PARD3: variants seen among roughly 807,000 people sequenced by gnomAD.
The protein encoded by PARD3 is par-3 family cell polarity regulator.
A neutral mutation model predicts 155.4 loss-of-function variants in PARD3; 75 were observed. The observed-to-expected ratio is 0.48, with a 90% CI of 0.40 to 0.58. The LOEUF is 0.58. Ranked by LOEUF, PARD3 falls within the 20% of genes least tolerant of loss-of-function variation. The pLI, the probability that PARD3 is intolerant of heterozygous loss-of-function variation, is 0.00. For missense variants in PARD3, 1,642 were observed against 1,721.7 expected, an observed-to-expected ratio of 0.95 and a Z score of 0.82; for synonymous variants, 576 against 610.5, an observed-to-expected ratio of 0.94 and a Z score of 0.83.
At chr10:34,131,839 A>G (rs1947632609) in intron 22 of PARD3, among the ~76,000 whole-genome samples, 1 of 152,094 alleles carries the variant, frequency 6.6e-6, no homozygotes. Flanking sequence ...CTGTTCTTTA[A>G]AAGTTTCATT....
In PARD3 at chr10:34,548,703, T is replaced by A. The variant is rs1224395517; in HGVS notation, c.223-31544A>T. On this transcript the variant is annotated intron_variant, in intron 2 of 24. Transcript: ENST00000374788. The stretch of plus-strand genomic sequence containing the variant: ...TCTTCTGTGGGGAAACTTGCCATAC[T>A]TTTCTCTGATTCCAAGGAAAAAGCC... 5.3e-5 allele frequency among the ~76,000 whole-genome samples: 8 copies of A among 151,922 alleles called. No individual in the cohort carries two copies. In the East Asian group the frequency reaches 1.5e-3, roughly 29 times the overall value.
At chr10:34,686,167 T>C (rs925107674) in intron 2 of PARD3, among the ~76,000 whole-genome samples, 26 of 152,214 alleles carry the variant, frequency 1.7e-4, no homozygotes, top group African/African-American at 6.3e-4. Flanking sequence ...AAATGTAGTA[T>C]GTGAAGCCCT....
chr10:34,432,263 A>G (rs560001381), intron 5 of PARD3, among the ~76,000 whole-genome samples: 1 of 151,698 alleles, frequency 6.6e-6, no homozygotes, highest in South Asian at 2.1e-4. Context: ...CAAATATTAC[A>G]TAGGTCTAGT....
At chr10:34,440,046 T>G (rs1464769909) in intron 5 of PARD3, among the ~76,000 whole-genome samples, 3 of 152,158 alleles carry the variant, frequency 2.0e-5, no homozygotes, top group Non-Finnish European at 4.4e-5. Flanking sequence ...GCAAAATGTT[T>G]GAACACTGAA....
At chr10:34,180,719 T>C (rs973630695) in intron 22 of PARD3, among the ~76,000 whole-genome samples, 5 of 152,140 alleles carry the variant, frequency 3.3e-5, no homozygotes, top group African/African-American at 1.2e-4. Flanking sequence ...TAAAGTTTTG[T>C]GCAAATTTGT....
At chr10:34,192,497 T>G (rs1950757458) in intron 22 of PARD3, among the ~76,000 whole-genome samples, 1 of 152,190 alleles carries the variant, frequency 6.6e-6, no homozygotes, top group Non-Finnish European at 1.5e-5. Flanking sequence ...AGATCTTATA[T>G]TTCTTCAGTA....
chr10:34,467,125 C>G (rs920174649), intron 4 of PARD3, among the ~76,000 whole-genome samples: 16 of 151,830 alleles, frequency 1.1e-4, no homozygotes, highest in African/African-American at 3.9e-4. Context: ...GGATGTCTCA[C>G]AACACTGATA....
intron 7 of PARD3, among the ~76,000 whole-genome samples, chr10:34,387,093 G>C (rs1842428414): frequency 6.6e-6 from 1 of 152,104 alleles, no homozygotes; most frequent in Admixed American, 6.5e-5. Context: ...TTCAGTCCTT[G>C]CAATAAAAAT....
At chr10:34,617,063 G>A (rs184260480) in intron 2 of PARD3, among the ~76,000 whole-genome samples, 6 of 152,002 alleles carry the variant, frequency 3.9e-5, no homozygotes, top group African/African-American at 1.4e-4. Context: ...AAACCAGCCT[G>A]GCCAACAAGG....
At chr10:34,330,011 A>G (rs1835448975) in intron 19 of PARD3, among the ~76,000 whole-genome samples, 1 of 152,184 alleles carries the variant, frequency 6.6e-6, no homozygotes, top group Admixed American at 6.5e-5. Flanking sequence ...TATATGTGAT[A>G]GAAGTGGTCC....
intron 2 of PARD3, among the ~76,000 whole-genome samples, chr10:34,650,005 T>C (rs943137545): frequency 6.6e-6 from 1 of 152,216 alleles, no homozygotes; most frequent in Admixed American, 6.6e-5. Context: ...CCAGCACCTC[T>C]GTCCCACTGG....
At chr10:34,374,684 G>A (rs886288469) in intron 11 of PARD3, among the ~76,000 whole-genome samples, 190 bp downstream of exon 11, 1 of 152,174 alleles carries the variant, frequency 6.6e-6, no homozygotes, top group Non-Finnish European at 1.5e-5. Context: ...ATTCATTACT[G>A]AGGATATCCA....
intron 18 of PARD3, among the ~76,000 whole-genome samples, chr10:34,331,916 C>A (rs566816059): frequency 6.6e-6 from 1 of 152,256 alleles, no homozygotes; most frequent in East Asian, 1.9e-4. Flanking sequence ...GGCAACCTGG[C>A]AGCAGGCAGA....
At chr10:34,506,494 T>C (rs1266203381) in intron 3 of PARD3, among the ~76,000 whole-genome samples, 1 of 152,150 alleles carries the variant, frequency 6.6e-6, no homozygotes, top group Non-Finnish European at 1.5e-5. Flanking sequence ...GTCATGCACA[T>C]GTCTCAATTT....
chr10:34,729,666 C>T (rs1208574677), intron 1 of PARD3, among the ~76,000 whole-genome samples: 1 of 152,090 alleles, frequency 6.6e-6, no homozygotes, highest in Admixed American at 6.5e-5. Context: ...GAAGGGTCTC[C>T]TACAGTAAAT....
intron 18 of PARD3, among the ~76,000 whole-genome samples, chr10:34,335,830 T>C (rs1006777329): frequency 6.6e-6 from 1 of 152,104 alleles, no homozygotes; most frequent in African/African-American, 2.4e-5. Context: ...ACTTTTTGGA[T>C]GTTAACCTAG....
At chr10:34,471,467 G>A (rs778435986) in intron 3 of PARD3, among the ~76,000 whole-genome samples, 1 of 152,088 alleles carries the variant, frequency 6.6e-6, no homozygotes, top group Non-Finnish European at 1.5e-5. Context: ...AAAAACATAA[G>A]ACAAAATTTA....
intron 2 of PARD3, among the ~76,000 whole-genome samples, chr10:34,664,566 G>A (rs1245117466): frequency 6.6e-6 from 1 of 151,990 alleles, no homozygotes; most frequent in Non-Finnish European, 1.5e-5. Context: ...GCTCACAGCA[G>A]CCTCTGCCTC....
At chr10:34,440,765 C>T (rs1002409698) in intron 5 of PARD3, among the ~76,000 whole-genome samples, 17 of 151,998 alleles carry the variant, frequency 1.1e-4, no homozygotes, top group African/African-American at 2.7e-4. Context: ...CAACTGCACA[C>T]CCCAGGTCCA....
Sources: gnomAD v4.1 joint callset for allele counts (sites outside exome capture counted in the v4.1 genomes callset) on GRCh38, gnomAD v4.1.1 for gene constraint, MANE v1.5 for transcripts, NCBI Gene and HGNC (gene_info 2026-07-23, HGNC 2026-07-21) for gene names.